The following GPR55 variants were observed in gnomAD, a reference collection of about 807,000 sequenced individuals.
GPR55 encodes the protein G-protein coupled receptor 55.
Under a neutral mutation model 7.9 loss-of-function variants are expected in GPR55, and 6 were observed. That is an observed-to-expected ratio of 0.76 (90% CI 0.41 to 1.49). The LOEUF is 1.49. Among genes scored for constraint, GPR55 ranks in the 40% most tolerant of loss-of-function variants. The pLI is 0.01. For missense variants in GPR55, 376 were observed against 406.0 expected, an observed-to-expected ratio of 0.93 and a Z score of 0.63; for synonymous variants, 183 against 166.8, an observed-to-expected ratio of 1.10 and a Z score of -0.75.
intron 1 of GPR55, among the ~76,000 whole-genome samples, chr2:230,935,696 G>C (rs113443941): frequency 2.0e-3 from 310 of 152,344 alleles, no homozygotes; most frequent in African/African-American, 7.0e-3. Flanking sequence ...TTTTGGACCG[G>C]AGGGTACGGA....
intron 1 of GPR55, among the ~76,000 whole-genome samples, chr2:230,940,274 A>AC (rs1691205357): frequency 6.6e-6 from 1 of 152,002 alleles, no homozygotes; most frequent in Non-Finnish European, 1.5e-5. Context: ...CCCTCCTGGC[A>AC]CCCACCCTTG....
chr2:230,935,126 G>A (rs989449294), intron 1 of GPR55, among the ~76,000 whole-genome samples: 12 of 152,180 alleles, frequency 7.9e-5, no homozygotes, highest in Non-Finnish European at 1.3e-4. Context: ...GGCAGGACCC[G>A]CAGCCTCAGC....
At chr2:230,946,453 A>C (rs1024554658) in intron 1 of GPR55, among the ~76,000 whole-genome samples, 4 of 152,208 alleles carry the variant, frequency 2.6e-5, no homozygotes, top group Non-Finnish European at 4.4e-5. Flanking sequence ...GTGTATACAT[A>C]TATCAAAATT....
At chr2:230,950,120 C>A (rs978464924) in intron 1 of GPR55, among the ~76,000 whole-genome samples, 11 of 152,262 alleles carry the variant, frequency 7.2e-5, no homozygotes, top group Non-Finnish European at 1.5e-4. Context: ...AGCCATCACG[C>A]CCAGCCAGTT....
At chr2:230,932,156 C>T (rs1178549925) in intron 1 of GPR55, among the ~76,000 whole-genome samples, 1 of 152,238 alleles carries the variant, frequency 6.6e-6, no homozygotes, top group East Asian at 1.9e-4. Context: ...AGGTACTCTG[C>T]TGCTTAGAGA....
At chr2:230,959,519 T>C (rs1316589312) in intron 1 of GPR55, among the ~76,000 whole-genome samples, 1 of 152,126 alleles carries the variant, frequency 6.6e-6, no homozygotes, top group Non-Finnish European at 1.5e-5. Flanking sequence ...AGGTAGGTGA[T>C]AGCAGGCCCA....
At chr2:230,960,365 T>C (rs1691549364) in intron 1 of GPR55, among the ~76,000 whole-genome samples, 1 of 152,212 alleles carries the variant, frequency 6.6e-6, no homozygotes, top group African/African-American at 2.4e-5. Context: ...AGGCTTCCAG[T>C]AATTTCTAAA....
At chr2:230,955,618 A>T (rs1461794906) in intron 1 of GPR55, among the ~76,000 whole-genome samples, 1 of 152,244 alleles carries the variant, frequency 6.6e-6, no homozygotes, top group African/African-American at 2.4e-5. Flanking sequence ...AATCAAATAC[A>T]ATTCAAATGT....
At chr2:230,950,398 C>A (rs1249606335) in intron 1 of GPR55, among the ~76,000 whole-genome samples, 1 of 152,162 alleles carries the variant, frequency 6.6e-6, no homozygotes, top group Non-Finnish European at 1.5e-5. Flanking sequence ...CTTTTTATCT[C>A]TTCTTGCCAC....
At position 230,911,068 on chromosome 2, in the gene GPR55, C is replaced by A; in HGVS notation, c.-106G>T. 8.8e-7 allele frequency: 1 copy of A among 1,139,332 alleles called. No individual in the cohort carries two copies. Among genetic ancestry groups the A allele is most frequent in the Non-Finnish European group, 1.3e-6 (1 of 791,228 alleles). The allele number at this position is 1,139,332 out of a possible 1,614,324, so 70.6% of individuals were successfully genotyped here. Reference sequence around the variant, plus strand: ...AATCACAAACACCTCCCCAGCATCACACAGCAATTCATGCCCATTGAATCA... The same window carrying A: ...AATCACAAACACCTCCCCAGCATCAAACAGCAATTCATGCCCATTGAATCA... On this transcript the variant is annotated 5_prime_UTR_variant, in exon 2 of 2. Coordinates refer to ENST00000650999, the MANE Select transcript of GPR55 (RefSeq NM_005683.4).
intron 1 of GPR55, among the ~76,000 whole-genome samples, 188 bp from the exon 2 acceptor site, chr2:230,911,284 A>G (rs1690586536): frequency 6.6e-6 from 1 of 152,210 alleles, no homozygotes; most frequent in African/African-American, 2.4e-5. Context: ...CTTTTGTTGA[A>G]AGAAGTAACA....
In GPR55 at chr2:230,910,309, C is replaced by T. The variant is rs1174963867; in HGVS notation, c.654G>A (p.Trp218Ter). The change falls in exon 2 of 2, where the codon TGG (tryptophan) becomes TGA (stop). Residue 218 changes from tryptophan to a stop codon, truncating the protein, a stop_gained. Coordinates refer to ENST00000650999, the MANE Select transcript of GPR55 (RefSeq NM_005683.4). LOFTEE classifies it high-confidence loss of function. The surrounding 1 kb of genome is among the most constrained non-coding windows in gnomAD (Gnocchi z 5.4). ...TGTAGATGCAGGCTTTCTGCTGCAC[C>T]CAGTCCTGGGTGTGGTCTCGGCGGC... Reference protein sequence around the residue: ...LLGRRDHTQDWVQQKACIYSI... With the variant: ...LLGRRDHTQD 2 of 1,613,912 alleles carry T rather than the reference C, an allele frequency of 1.2e-6. No homozygotes were observed. The highest frequency in any genetic ancestry group is 1.3e-5 in the African/African-American group (1 of 74,872).
At chr2:230,959,088 C>A (rs1691531893) in intron 1 of GPR55, among the ~76,000 whole-genome samples, 1 of 152,166 alleles carries the variant, frequency 6.6e-6, no homozygotes, top group African/African-American at 2.4e-5. Context: ...CTTCCTCCTC[C>A]TCACACTTTT....
intron 1 of GPR55, among the ~76,000 whole-genome samples, chr2:230,922,731 A>G (rs1690866317): frequency 6.6e-6 from 1 of 151,904 alleles, no homozygotes. Flanking sequence ...ATGTGCCACC[A>G]CGCCCGGCTA....
In GPR55 at chr2:230,910,478, T is replaced by A. The variant is rs373531091; in HGVS notation, c.485A>T (p.Lys162Ile). 1.2e-6 allele frequency: 2 copies of A among 1,614,038 alleles called. No homozygotes were observed. The highest frequency in any genetic ancestry group is 1.3e-5 in the African/African-American group (1 of 74,924). ...GTGGAAGCACATGTATTTTTCCACT[T>A]TCCCATGGAAACTGTAGATAGGGAT... ...GSIPIYSFHGKVEKYMCFHNM... is the reference protein window; with the variant it reads ...GSIPIYSFHGIVEKYMCFHNM... Residue 162 changes from lysine (K) to isoleucine (I), a missense_variant, in exon 2 of 2, where the codon AAA becomes ATA. Lys to Ile is a moderately radical substitution (Grantham distance 102, BLOSUM62 -3). Coordinates refer to ENST00000650999, the MANE Select transcript of GPR55 (RefSeq NM_005683.4). This position sits in a 1 kb window ranked among gnomAD's most constrained non-coding sequence, Gnocchi z 5.4.
At chr2:230,959,682 T>C (rs1166020702) in intron 1 of GPR55, among the ~76,000 whole-genome samples, 2 of 152,000 alleles carry the variant, frequency 1.3e-5, no homozygotes, top group African/African-American at 4.8e-5. Flanking sequence ...TTTTTTTGTA[T>C]GCACAGAAAA....
At chr2:230,945,048 T>G (rs897797772) in intron 1 of GPR55, among the ~76,000 whole-genome samples, 1 of 152,162 alleles carries the variant, frequency 6.6e-6, no homozygotes, top group Non-Finnish European at 1.5e-5. Flanking sequence ...CCTTCCTTCC[T>G]CCCACCAGCC....
chr2:230,926,839 G>A (rs186850013), upstream of GPR55, among the ~76,000 whole-genome samples: 443 of 151,930 alleles, frequency 2.9e-3, 3 homozygotes, highest in African/African-American at 0.01. Context: ...ACAGGCTTGT[G>A]CCACCAGGCC....
At chr2:230,918,224 G>GA (rs1487324858) in intron 1 of GPR55, among the ~76,000 whole-genome samples, 3 of 152,186 alleles carry the variant, frequency 2.0e-5, no homozygotes, top group African/African-American at 7.2e-5. Context: ...TGATCAAGAA[G>GA]AAAGGGCTCA....
Sources: gnomAD v4.1 joint callset for allele counts (sites outside exome capture counted in the v4.1 genomes callset) on GRCh38, gnomAD v4.1.1 for gene constraint, Gnocchi (gnomAD v3.1) non-coding constraint, MANE v1.5 for transcripts, NCBI Gene and HGNC (gene_info 2026-07-23, HGNC 2026-07-21) for gene names.